The following RLIG1 variants were observed in gnomAD, a reference collection of about 807,000 sequenced individuals.
RLIG1 encodes RNA ligase 1.
At chr12:88,039,340 T>G in the RLIG1 span, among the ~76,000 whole-genome samples, 1 of 152,164 alleles carries the variant, frequency 6.6e-6, no homozygotes, top group Admixed American at 6.5e-5. Flanking sequence ...ACAAAAATGT[T>G]TGTGCTTATA....
chr12:88,048,899 C>T, the RLIG1 span: 1 of 231,448 alleles, frequency 4.3e-6, no homozygotes, highest in Admixed American at 5.5e-5. Context: ...CTTAAAATTG[C>T]TGAATTTACC....
the RLIG1 span, chr12:88,042,831 C>A: frequency 6.7e-7 from 1 of 1,497,860 alleles, no homozygotes; most frequent in Non-Finnish European, 8.9e-7. Flanking sequence ...TTAGATCAGC[C>A]ATACCTTTGG....
the RLIG1 span, chr12:88,046,945 T>C: frequency 6.2e-7 from 1 of 1,611,906 alleles, no homozygotes; most frequent in East Asian, 2.2e-5. Context: ...GAAGGAATAG[T>C]GTGGCATTGC....
the RLIG1 span, among the ~76,000 whole-genome samples, chr12:88,039,488 A>C: frequency 6.6e-6 from 1 of 152,212 alleles, no homozygotes; most frequent in African/African-American, 2.4e-5. Context: ...ATCTAGTTTT[A>C]CTTCACGCAG....
At chr12:88,048,442 T>C in the RLIG1 span, 4 of 1,214,694 alleles carry the variant, frequency 3.3e-6, 1 homozygote, top group East Asian at 2.7e-5. Flanking sequence ...AAAATTAGTT[T>C]ATCATTATAT....
the RLIG1 span, among the ~76,000 whole-genome samples, chr12:88,037,541 TACAC>T: frequency 6.6e-6 from 1 of 152,154 alleles, no homozygotes; most frequent in East Asian, 1.9e-4. Flanking sequence ...TAAATTTAGA[TACAC>T]ACACACTGCT....
chr12:88,037,474 T>TA, the RLIG1 span, among the ~76,000 whole-genome samples: 1 of 152,172 alleles, frequency 6.6e-6, no homozygotes, highest in East Asian at 1.9e-4. Flanking sequence ...GGAATGTTTA[T>TA]ACTCATCAGG....
At chr12:88,037,390 G>A in the RLIG1 span, among the ~76,000 whole-genome samples, 1 of 152,066 alleles carries the variant, frequency 6.6e-6, no homozygotes, top group African/African-American at 2.4e-5. Context: ...GGAGAACTTT[G>A]TGTACCCCTC....
At chr12:88,048,744 A>C in the RLIG1 span, 1 of 202,866 alleles carries the variant, frequency 4.9e-6, no homozygotes, top group Non-Finnish European at 9.8e-6. Context: ...GTTTAAGCTC[A>C]ATTTAATTTT....
the RLIG1 span, chr12:88,046,829 A>C: frequency 5.0e-6 from 8 of 1,611,210 alleles, no homozygotes; most frequent in Non-Finnish European, 6.8e-6. Context: ...AGAAACATCC[A>C]TTACATCTTC....
chr12:88,040,198 A>C, the RLIG1 span: 21 of 1,610,892 alleles, frequency 1.3e-5, no homozygotes, highest in Non-Finnish European at 1.6e-5. Flanking sequence ...CATTAGATGC[A>C]GATATATACA....
the RLIG1 span, chr12:88,048,217 C>CT: frequency 6.6e-7 from 1 of 1,512,886 alleles, no homozygotes; most frequent in Non-Finnish European, 8.8e-7. Flanking sequence ...AAGCTAATAC[C>CT]TTTTTTCTCT....
At chr12:88,036,678 C>T in the RLIG1 span, among the ~76,000 whole-genome samples, 1 of 152,254 alleles carries the variant, frequency 6.6e-6, no homozygotes, top group African/African-American at 2.4e-5. Context: ...CTGATCTTTT[C>T]CTGCTTTCTA....
chr12:88,036,158 G>A, the RLIG1 span: 7 of 1,126,212 alleles, frequency 6.2e-6, no homozygotes, highest in Non-Finnish European at 8.3e-6. Flanking sequence ...TACCTGTTCT[G>A]TCCGAACCAG....
chr12:88,046,677 T>G, the RLIG1 span: 326 of 845,936 alleles, frequency 3.9e-4, no homozygotes, highest in Non-Finnish European at 5.4e-4. Context: ...TATATTCTTT[T>G]TAAGGAAACC....
chr12:88,040,055 A>T, the RLIG1 span: 4 of 728,572 alleles, frequency 5.5e-6, no homozygotes, highest in Middle Eastern at 4.9e-4. Context: ...ATTCCTTAAA[A>T]CTAATGAAAT....
At chr12:88,036,135 A>G in the RLIG1 span, 1 of 1,270,710 alleles carries the variant, frequency 7.9e-7, no homozygotes, top group Non-Finnish European at 1.0e-6. Flanking sequence ...GGTGGATATT[A>G]GAAGACTTGC....
chr12:88,043,669 A>G, the RLIG1 span: 11 of 1,613,204 alleles, frequency 6.8e-6, no homozygotes, highest in Admixed American at 1.5e-4. Flanking sequence ...AGGAGACAGA[A>G]CAAATAAATG....
chr12:88,035,955 G>A, the RLIG1 span: 20 of 1,524,026 alleles, frequency 1.3e-5, no homozygotes, highest in Non-Finnish European at 1.6e-5. Context: ...GGGAATTTGC[G>A]AAAGAATTTT....
Sources: gnomAD v4.1 joint callset for allele counts (sites outside exome capture counted in the v4.1 genomes callset) on GRCh38, gnomAD v4.1.1 for gene constraint, MANE v1.5 for transcripts, NCBI Gene and HGNC (gene_info 2026-07-23, HGNC 2026-07-21) for gene names.